Variants in THOC3 observed in about 807,000 individuals in gnomAD.
The protein encoded by THOC3 is THO complex subunit 3.
In THOC3, 4 loss-of-function variants were observed where a neutral mutation model predicts 23.3. That is an observed-to-expected ratio of 0.17 (90% CI 0.08 to 0.39). THOC3 has a LOEUF of 0.39. Among genes scored for constraint, THOC3 ranks in the 10% least tolerant of loss-of-function variants. THOC3 has a pLI of 1.00. For synonymous variants in THOC3, 27 were observed against 141.5 expected (o/e 0.19, Z 5.74); for missense variants, 64 against 359.4 (o/e 0.18, Z 6.65).
At chr5:175,966,726 G>A (rs1756772760) in intron 2 of THOC3, among the ~76,000 whole-genome samples, 1 of 151,124 alleles carries the variant, frequency 6.6e-6, no homozygotes, top group South Asian at 2.1e-4. Context: ...AATTCTCCAT[G>A]CCTTTGCACA....
chr5:175,962,421 T>TACACACACACACACACAC lies in THOC3; in HGVS notation c.630-1005_630-988dup, dbSNP rs59077860. The stretch of plus-strand genomic sequence containing the variant: ...TTTTATCTTTAAATATATATATATA[T>TACACACACACACACACAC]ACACACACACACACACACACACGTA... On this transcript the variant is annotated intron_variant, in intron 3 of 5. Coordinates refer to ENST00000265097, the MANE Select transcript of THOC3 (RefSeq NM_032361.4). Among the ~76,000 whole-genome samples, 23 of 44,166 alleles carry TACACACACACACACACAC rather than the reference T, an allele frequency of 5.2e-4. 1 individual carries two copies. Among genetic ancestry groups the TACACACACACACACACAC allele is most frequent in the African/African-American group, 1.6e-3 (21 of 13,370 alleles). The allele number at this position is 44,166 out of a possible 152,430, so 29.0% of individuals were successfully genotyped here.
At chr5:175,962,549 TCTCA>T (rs1756684021) in intron 3 of THOC3, among the ~76,000 whole-genome samples, 1 of 147,164 alleles carries the variant, frequency 6.8e-6, no homozygotes, top group Non-Finnish European at 1.5e-5. Flanking sequence ...TGAGGTGGAA[TCTCA>T]CTCAGTCGTC....
intron 1 of THOC3, among the ~76,000 whole-genome samples, 199 bp downstream of exon 1, chr5:175,967,743 A>C (rs1581131494): frequency 6.6e-5 from 6 of 90,226 alleles, no homozygotes; most frequent in African/African-American, 1.7e-4. Flanking sequence ...TCCTCTCCTC[A>C]CCCCTCACGA....
intron 3 of THOC3, among the ~76,000 whole-genome samples, chr5:175,964,126 A>G (rs569823702): frequency 6.6e-6 from 1 of 152,334 alleles, no homozygotes; most frequent in East Asian, 1.9e-4. Context: ...AGATCCTACT[A>G]CGTGGAGCAG....
intron 3 of THOC3, among the ~76,000 whole-genome samples, chr5:175,962,767 A>C (rs1297270853): frequency 6.8e-6 from 1 of 148,046 alleles, no homozygotes; most frequent in Non-Finnish European, 1.5e-5. Context: ...TCGGCCTCCC[A>C]AAGTGCCAAA....
intron 2 of THOC3, among the ~76,000 whole-genome samples, chr5:175,966,474 CA>C (rs558632437): frequency 2.6e-3 from 389 of 151,354 alleles, no homozygotes; most frequent in Admixed American, 5.4e-3. Flanking sequence ...TATTTTCTCA[CA>C]TTTTAGTATC....
chr5:175,963,557 T>C (rs1350448636), intron 3 of THOC3, among the ~76,000 whole-genome samples: 477 of 143,406 alleles, frequency 3.3e-3, no homozygotes, highest in African/African-American at 0.012. Context: ...TTGGGCGGGG[T>C]TGCACAAGAG....
intron 3 of THOC3, among the ~76,000 whole-genome samples, chr5:175,962,358 A>G (rs1452048238): frequency 1.6e-4 from 21 of 132,174 alleles, no homozygotes; most frequent in South Asian, 2.4e-4. Context: ...GGAGTCCTCA[A>G]TTTTGATTGC....
At chr5:175,964,209 T>C (rs1395574849) in intron 3 of THOC3, among the ~76,000 whole-genome samples, 5 of 152,248 alleles carry the variant, frequency 3.3e-5, no homozygotes, top group Non-Finnish European at 7.3e-5. Flanking sequence ...GAATTCACAG[T>C]CTAACAGGAG....
chr5:175,961,643 T>A (rs1260588167), intron 3 of THOC3, among the ~76,000 whole-genome samples: 1 of 151,710 alleles, frequency 6.6e-6, no homozygotes, highest in African/African-American at 2.4e-5. Context: ...GTTACCAACA[T>A]CGAGACAGAG....
At position 175,962,108 on chromosome 5, in the gene THOC3, G is replaced by A. The variant is rs1430174657; in HGVS notation, c.630-674C>T. Among the ~76,000 whole-genome samples, 6 of 151,988 alleles carry A rather than the reference G, an allele frequency of 3.9e-5. No individual in the cohort carries two copies. In the East Asian group the frequency reaches 1.2e-3, roughly 29 times the overall value. On this transcript the variant is annotated intron_variant, in intron 3 of 5. Coordinates refer to ENST00000265097, the MANE Select transcript of THOC3 (RefSeq NM_032361.4). Reference sequence around the variant, plus strand: ...ATATAGTACTATTTTTTTAATGGGGGAAGAATGGAAAGAGTATATGCAAAA... The same window carrying A: ...ATATAGTACTATTTTTTTAATGGGGAAAGAATGGAAAGAGTATATGCAAAA...
At chr5:175,965,563 T>G (rs1438115631) in intron 2 of THOC3, among the ~76,000 whole-genome samples, 1 of 152,272 alleles carries the variant, frequency 6.6e-6, no homozygotes, top group Non-Finnish European at 1.5e-5. Context: ...TAGCTGGGAC[T>G]ACAGGCGCCT....
chr5:175,964,057 T>C (rs1287235740), intron 3 of THOC3, among the ~76,000 whole-genome samples: 2 of 151,738 alleles, frequency 1.3e-5, no homozygotes, highest in Non-Finnish European at 3.0e-5. Flanking sequence ...AGGCTAGAAT[T>C]GAACAGACCT....
At chr5:175,962,407 AATAT>A (rs201051870) in intron 3 of THOC3, among the ~76,000 whole-genome samples, 845 of 50,816 alleles carry the variant, frequency 0.017, 43 homozygotes, top group Middle Eastern at 0.079. Context: ...TTTATCTTTA[AATAT>A]ATATATATAT....
At chr5:175,966,799 T>C (rs1285819116) in intron 2 of THOC3, among the ~76,000 whole-genome samples, 2 of 151,346 alleles carry the variant, frequency 1.3e-5, no homozygotes, top group Non-Finnish European at 2.9e-5. Flanking sequence ...TCAACTCCTA[T>C]GGCTACCCTA....
intron 5 of THOC3, chr5:175,960,642 TTC>T (rs1756644295): frequency 7.7e-6 from 1 of 129,572 alleles, no homozygotes. Context: ...TATTTCCAGC[TTC>T]TGTTGTTTTT....
At position 175,965,170 on chromosome 5, in the gene THOC3, A is replaced by C; in HGVS notation, c.425-15T>G. 6.2e-7 allele frequency: 1 copy of C among 1,609,660 alleles called. No individual in the cohort carries two copies. Among genetic ancestry groups the C allele is most frequent in the Non-Finnish European group, 8.5e-7 (1 of 1,177,532 alleles). The stretch of plus-strand genomic sequence containing the variant: ...AATGTTCTCCCCTGGGAACCCAGAC[A>C]TAATCAGCAAGATAATCTGTTTGCT... On this transcript the variant is annotated splice_polypyrimidine_tract_variant and intron_variant, in intron 2 of 5. Transcript: ENST00000265097.
chr5:175,962,050 G>A (rs1319582453), intron 3 of THOC3, among the ~76,000 whole-genome samples: 1 of 151,620 alleles, frequency 6.6e-6, no homozygotes, highest in African/African-American at 2.4e-5. Flanking sequence ...TAAAGAGAGG[G>A]TATAATATGT....
chr5:175,963,369 ATT>A (rs145513997), intron 3 of THOC3, among the ~76,000 whole-genome samples: 2 of 146,954 alleles, frequency 1.4e-5, no homozygotes, highest in African/African-American at 2.5e-5. Context: ...AGACATATCA[ATT>A]TTTTTTTTTT....
Sources: gnomAD v4.1 joint callset for allele counts (sites outside exome capture counted in the v4.1 genomes callset) on GRCh38, gnomAD v4.1.1 for gene constraint, MANE v1.5 for transcripts, NCBI Gene and HGNC (gene_info 2026-07-23, HGNC 2026-07-21) for gene names.